MFN1: variants seen among roughly 807,000 people sequenced by gnomAD.
The protein encoded by MFN1 is mitofusin 1.
In MFN1, 65 loss-of-function variants were observed where a neutral mutation model predicts 92.4. That is an observed-to-expected ratio of 0.70 (90% CI 0.58 to 0.86). The LOEUF is 0.86. MFN1 is among the 40% of genes least tolerant of loss of function. MFN1 has a pLI of 0.00. For missense variants in MFN1, 781 were observed against 868.0 expected, an observed-to-expected ratio of 0.90 and a Z score of 1.26; for synonymous variants, 297 against 300.9, an observed-to-expected ratio of 0.99 and a Z score of 0.13.
At chr3:179,348,686 A>T in intron 1 of MFN1, 159 bp from the exon 2 acceptor site, 1 of 1,088,230 alleles carries the variant, frequency 9.2e-7, no homozygotes, top group South Asian at 2.7e-5. Flanking sequence ...GTCGTCTCTA[A>T]CTGTCTGACT....
In MFN1 at chr3:179,390,045, A is replaced by G. The variant is rs755579939; in HGVS notation, c.2054A>G (p.Asp685Gly). The G allele has an allele frequency of 6.2e-6, 10 of 1,605,356 alleles. No individual in the cohort carries two copies. In the African/African-American group the frequency reaches 1.3e-4, roughly 22 times the overall value. ...TTFARLCQQVDITQKQLEEEI... is the reference protein window; with the variant it reads ...TTFARLCQQVGITQKQLEEEI... ...TTTGCTCGCCTGTGCCAACAAGTTG[A>G]TATTACTCAAAAACAGCTGGAAGAA... Residue 685 changes from aspartate to glycine, a missense_variant, in exon 17 of 18, where the codon GAT (aspartate) becomes GGT (glycine). By Grantham distance (94) the Asp-to-Gly change is moderately conservative. Coordinates refer to ENST00000471841, the MANE Select transcript of MFN1 (RefSeq NM_033540.3).
Position 179,385,274 on chromosome 3 carries a change from C to A in MFN1, c.1663-295C>A, listed in dbSNP as rs1208970944. Reference sequence around the variant, plus strand: ...GTTGTTGTTTGTTTCAAGGATTGTGCTTTTGTTGTTAGTTTTTTTAAAAAC... The same window carrying A: ...GTTGTTGTTTGTTTCAAGGATTGTGATTTTGTTGTTAGTTTTTTTAAAAAC... On this transcript the variant is annotated intron_variant, in intron 14 of 17. Coordinates refer to ENST00000471841, the MANE Select transcript of MFN1 (RefSeq NM_033540.3). Among the ~76,000 whole-genome samples the A allele has an allele frequency of 1.5e-4, 22 of 147,902 alleles. No individual in the cohort carries two copies. The Admixed American group carries it at 1.5e-3, about 10-fold the overall frequency.
intron 14 of MFN1, among the ~76,000 whole-genome samples, chr3:179,382,513 G>A (rs1480987968): frequency 6.6e-6 from 1 of 152,114 alleles, no homozygotes; most frequent in Non-Finnish European, 1.5e-5. Flanking sequence ...GCTATTATGA[G>A]TAGTGCTGCA....
intron 8 of MFN1, 67 bp from the exon 9 acceptor site, chr3:179,367,969 C>A: frequency 1.1e-6 from 1 of 902,724 alleles, no homozygotes; most frequent in South Asian, 3.4e-5. Flanking sequence ...ATTATAAAAT[C>A]AGTAGCCTAC....
intron 3 of MFN1, among the ~76,000 whole-genome samples, chr3:179,354,317 G>A (rs923775032): frequency 3.3e-5 from 5 of 152,234 alleles, no homozygotes; most frequent in African/African-American, 1.2e-4. Flanking sequence ...AAGGTGTTAC[G>A]AAACAATAGC....
rs2108565904 is a variant in MFN1 at position 179,393,698 on chromosome 3, AAAAC to A, written c.*1641_*1644del. The stretch of plus-strand genomic sequence containing the variant: ...GATTAGGTAACAACTACAACATGGA[AAAAC>A]AGTGTCTAAGATCACGTACTGCTAA... On this transcript the variant is annotated 3_prime_UTR_variant, in exon 18 of 18. Coordinates refer to ENST00000471841, the MANE Select transcript of MFN1 (RefSeq NM_033540.3). 1 of 152,326 alleles carries A rather than the reference AAAAC, an allele frequency of 6.6e-6. No individual in the cohort carries two copies. The highest frequency in any genetic ancestry group is 1.9e-4 in the East Asian group (1 of 5,182). The allele number at this position is 152,326 out of a possible 1,614,324, so 9.4% of individuals were successfully genotyped here. A position where few individuals can be genotyped will look rare whatever the true frequency, so the allele number is the denominator to read the frequency against.
chr3:179,372,052 TTTA>T (rs1288942732), intron 9 of MFN1, among the ~76,000 whole-genome samples: 3 of 146,994 alleles, frequency 2.0e-5, no homozygotes, highest in South Asian at 4.2e-4. Flanking sequence ...ATTATATATA[TTTA>T]TTATATATTA....
At chr3:179,380,055 T>A (rs1478101659) in intron 14 of MFN1, among the ~76,000 whole-genome samples, 1 of 152,162 alleles carries the variant, frequency 6.6e-6, no homozygotes, top group Non-Finnish European at 1.5e-5. Context: ...TAAAATGAAC[T>A]GAAAATCGAA....
rs766284409 is a variant in MFN1, at chr3:179,351,883, C to A, written c.113-17C>A. 9 of 1,583,828 alleles carry A rather than the reference C, an allele frequency of 5.7e-6. No homozygotes were observed. On this transcript the variant is annotated splice_polypyrimidine_tract_variant and intron_variant, in intron 2 of 17. Coordinates refer to ENST00000471841, the MANE Select transcript of MFN1 (RefSeq NM_033540.3). ...ATTCATTTATATCACTTTTCTAATGCCATTTCAATTTTGCAGCAACATATA... is the reference window on the plus strand; with the variant it reads ...ATTCATTTATATCACTTTTCTAATGACATTTCAATTTTGCAGCAACATATA...
intron 14 of MFN1, among the ~76,000 whole-genome samples, chr3:179,384,900 C>CTTTTTTTTTT (rs35563595): frequency 2.4e-5 from 2 of 84,632 alleles, no homozygotes; most frequent in Non-Finnish European, 4.4e-5. Flanking sequence ...TTTTGAAGTC[C>CTTTTTTTTTT]TTTTTTTTTT....
chr3:179,359,293 G>A lies in MFN1; in HGVS notation c.411+291G>A, dbSNP rs1228150766. ...GCGCCACCACACCCGGCTAATTTTT[G>A]TATTTTTAGTAGAGATGGGGGTTTC... On this transcript the variant is annotated intron_variant, in intron 4 of 17. Coordinates refer to ENST00000471841, the MANE Select transcript of MFN1 (RefSeq NM_033540.3). Among the ~76,000 whole-genome samples, 4 of 149,824 alleles carry A rather than the reference G, an allele frequency of 2.7e-5. No homozygotes were observed. The East Asian group carries it at 5.9e-4, about 22-fold the overall frequency.
intron 16 of MFN1, among the ~76,000 whole-genome samples, chr3:179,387,364 G>A (rs1713724705): frequency 6.6e-6 from 1 of 151,954 alleles, no homozygotes; most frequent in Non-Finnish European, 1.5e-5. Flanking sequence ...TGGCCAACAT[G>A]GTGAAACCCC....
intron 7 of MFN1, among the ~76,000 whole-genome samples, chr3:179,366,089 T>C (rs191429288): frequency 6.6e-6 from 1 of 152,318 alleles, no homozygotes; most frequent in East Asian, 1.9e-4. Flanking sequence ...AGATACTTTT[T>C]TTTTGTTACA....
Position 179,394,335 on chromosome 3 carries a change from T to G in MFN1, c.*2276T>G, listed in dbSNP as rs887720670. On this transcript the variant is annotated 3_prime_UTR_variant, in exon 18 of 18. Coordinates refer to ENST00000471841, the MANE Select transcript of MFN1 (RefSeq NM_033540.3). ...TATGGCAACTTTTTCATCACTTGTT[T>G]TATGTAGTTGTCTGATCAATTGTGA... 3 of 152,146 alleles carry G rather than the reference T, an allele frequency of 2.0e-5. No individual in the cohort carries two copies. Among genetic ancestry groups the G allele is most frequent in the Non-Finnish European group, 4.4e-5 (3 of 68,018 alleles). The allele number at this position is 152,146 out of a possible 1,614,324, so 9.4% of individuals were successfully genotyped here. A position where few individuals can be genotyped will look rare whatever the true frequency, so the allele number is the denominator to read the frequency against.
rs1712263078 is a variant in MFN1 at position 179,354,234 on chromosome 3, T to C, written c.248+2199T>C. The stretch of plus-strand genomic sequence containing the variant: ...TGTGAAAAAGGTCCAAAAGCTCATT[T>C]CTTGCAGAAAGCCATAAATAGAAAG... On this transcript the variant is annotated intron_variant, in intron 3 of 17. Coordinates refer to ENST00000471841, the MANE Select transcript of MFN1 (RefSeq NM_033540.3). Among the ~76,000 whole-genome samples the C allele has an allele frequency of 2.0e-5, 3 of 152,250 alleles. No individual in the cohort carries two copies. In the South Asian group the frequency reaches 6.2e-4, roughly 31 times the overall value.
At position 179,367,577 on chromosome 3, in the gene MFN1, G is replaced by C; in HGVS notation, c.892G>C (p.Gly298Arg). The C allele has an allele frequency of 6.2e-7, 1 of 1,609,708 alleles. No homozygotes were observed. The highest frequency in any genetic ancestry group is 1.1e-5 in the South Asian group (1 of 90,644). Residue 298 changes from glycine to arginine, a missense_variant, in exon 8 of 18, where the codon GGG becomes CGG. Physicochemically the swap from Gly to Arg is moderately radical, Grantham distance 125. Coordinates refer to ENST00000471841, the MANE Select transcript of MFN1 (RefSeq NM_033540.3). ...VLSARKQKAQ[G>R]MPESGVALAE... ...TAGTGCTAGAAAGCAAAAAGCACAG[G>C]GGATGCCAGAAAGTGGTATGCATTA...
chr3:179,348,746 T>TC, intron 1 of MFN1, 99 bp from the exon 2 acceptor site: 1 of 1,504,202 alleles, frequency 6.6e-7, no homozygotes, highest in Non-Finnish European at 9.0e-7. Flanking sequence ...CAGCATAATT[T>TC]ATTTCATTGG....
chr3:179,390,226 C>T (rs1392250683), intron 17 of MFN1, 88 bp downstream of exon 17: 4 of 1,098,298 alleles, frequency 3.6e-6, no homozygotes, highest in Non-Finnish European at 4.9e-6. Flanking sequence ...GTATTCATTC[C>T]TAATAGCTTT....
At chr3:179,378,556 CT>C in intron 13 of MFN1, 28 bp from the exon 14 acceptor site, 2 of 1,566,368 alleles carry the variant, frequency 1.3e-6, no homozygotes, top group Non-Finnish European at 8.8e-7. Context: ...CCATTCTTAT[CT>C]TAAGTGTTGT....
Sources: gnomAD v4.1 joint callset for allele counts (sites outside exome capture counted in the v4.1 genomes callset) on GRCh38, gnomAD v4.1.1 for gene constraint, MANE v1.5 for transcripts, NCBI Gene and HGNC (gene_info 2026-07-23, HGNC 2026-07-21) for gene names.